Variants in PTPRK observed in about 807,000 individuals in gnomAD.
The protein encoded by PTPRK is receptor-type tyrosine-protein phosphatase kappa.
Under a neutral mutation model 178.0 loss-of-function variants are expected in PTPRK, and 75 were observed. That is an observed-to-expected ratio of 0.42 (90% CI 0.35 to 0.51). PTPRK has a LOEUF of 0.51. PTPRK is among the 20% of genes least tolerant of loss of function. The pLI is 0.02. For synonymous variants in PTPRK, 637 were observed against 620.6 expected (o/e 1.03, Z -0.39); for missense variants, 1,441 against 1,797.8 (o/e 0.80, Z 3.59).
intron 5 of PTPRK, among the ~76,000 whole-genome samples, chr6:128,221,392 C>G (rs926583203): frequency 6.6e-6 from 1 of 151,784 alleles, no homozygotes. Flanking sequence ...GGCGCGGTGG[C>G]GGGTGCCTAT....
intron 7 of PTPRK, among the ~76,000 whole-genome samples, chr6:128,114,377 A>G (rs531788235): frequency 6.6e-6 from 1 of 151,830 alleles, no homozygotes; most frequent in Admixed American, 6.6e-5. Context: ...CAGCACTTTC[A>G]GAGGCGGAGG....
chr6:128,347,661 A>G (rs911554890), intron 2 of PTPRK, among the ~76,000 whole-genome samples: 2 of 152,104 alleles, frequency 1.3e-5, no homozygotes, highest in Non-Finnish European at 2.9e-5. Flanking sequence ...CTCATCTGTC[A>G]GATCTTTTTT....
At chr6:128,151,557 T>C (rs1797246619) in intron 7 of PTPRK, among the ~76,000 whole-genome samples, 2 of 151,770 alleles carry the variant, frequency 1.3e-5, no homozygotes, top group Non-Finnish European at 2.9e-5. Context: ...CAGATAGTTA[T>C]TTAAAAAAAA....
intron 7 of PTPRK, among the ~76,000 whole-genome samples, chr6:128,166,475 T>C (rs1340119045): frequency 2.6e-5 from 4 of 151,682 alleles, no homozygotes; most frequent in Admixed American, 1.3e-4. Flanking sequence ...CTCAGGGTCA[T>C]TGCAATAATT....
intron 2 of PTPRK, among the ~76,000 whole-genome samples, chr6:128,365,778 T>C (rs1424985425): frequency 6.6e-6 from 1 of 152,098 alleles, no homozygotes; most frequent in Non-Finnish European, 1.5e-5. Context: ...TTATGCAATG[T>C]TTAAGTTAAA....
intron 1 of PTPRK, among the ~76,000 whole-genome samples, chr6:128,493,479 G>T (rs962947305): frequency 6.6e-6 from 1 of 151,368 alleles, no homozygotes; most frequent in African/African-American, 2.4e-5. Context: ...GGAGAATGGC[G>T]TGAACCCGGG....
intron 3 of PTPRK, among the ~76,000 whole-genome samples, chr6:128,250,454 C>T (rs934541957): frequency 6.6e-6 from 1 of 152,180 alleles, no homozygotes; most frequent in African/African-American, 2.4e-5. Flanking sequence ...ATCCTGTTGA[C>T]AGTCAGGGCT....
intron 1 of PTPRK, among the ~76,000 whole-genome samples, chr6:128,507,381 G>A (rs1054030850): frequency 6.6e-6 from 1 of 152,086 alleles, no homozygotes; most frequent in African/African-American, 2.4e-5. Flanking sequence ...CCACTCTAGA[G>A]GCCATGTGGG....
At chr6:128,235,469 G>T in intron 5 of PTPRK, 1 of 344,952 alleles carries the variant, frequency 2.9e-6, no homozygotes, top group Non-Finnish European at 6.2e-6. Context: ...CATAAGTAGA[G>T]CTTTATCATA....
intron 3 of PTPRK, among the ~76,000 whole-genome samples, chr6:128,313,364 A>G (rs191651921): frequency 6.6e-6 from 1 of 152,296 alleles, no homozygotes; most frequent in East Asian, 1.9e-4. Flanking sequence ...AAGAGGGCCT[A>G]TAATACTATT....
chr6:128,089,663 C>G lies in PTPRK; in HGVS notation c.1465+27G>C, dbSNP rs774078547. The G allele has an allele frequency of 7.0e-6, 11 of 1,568,606 alleles. No homozygotes were observed. The South Asian group carries it at 1.2e-4, about 17-fold the overall frequency. ...ATTTTTCTTGTTAGAGAATTCCCCC[C>G]TTTTAAACAGCAAAGTATGAGCATA... is the stretch of plus-strand genomic sequence containing the variant. On this transcript the variant is annotated intron_variant, in intron 8 of 29. Coordinates refer to ENST00000368226, the MANE Select transcript of PTPRK (RefSeq NM_002844.4).
intron 13 of PTPRK, among the ~76,000 whole-genome samples, chr6:128,026,786 A>G (rs367901156): frequency 4.6e-5 from 7 of 152,192 alleles, no homozygotes; most frequent in African/African-American, 1.4e-4. Flanking sequence ...TGTAGAATAT[A>G]TCACACCAAA....
chr6:128,384,849 T>C (rs1421345331), intron 2 of PTPRK, among the ~76,000 whole-genome samples: 6 of 151,798 alleles, frequency 4.0e-5, no homozygotes, highest in Admixed American at 2.6e-4. Flanking sequence ...AAATTGATCT[T>C]AGTATTTTCA....
At chr6:128,222,236 A>C (rs910353696) in intron 5 of PTPRK, among the ~76,000 whole-genome samples, 1 of 152,176 alleles carries the variant, frequency 6.6e-6, no homozygotes, top group South Asian at 2.1e-4. Context: ...CTCAATAATC[A>C]TTATTCCATC....
chr6:128,200,920 G>T (rs1378515773), intron 6 of PTPRK, among the ~76,000 whole-genome samples: 5 of 112,102 alleles, frequency 4.5e-5, no homozygotes, highest in Non-Finnish European at 9.3e-5. Context: ...AGGGAGGGAG[G>T]GAGGGAGGGG....
chr6:128,055,103 T>C (rs915829495), intron 13 of PTPRK, among the ~76,000 whole-genome samples: 2 of 152,222 alleles, frequency 1.3e-5, no homozygotes, highest in Non-Finnish European at 2.9e-5. Context: ...TTTGAAAGTT[T>C]TTTGGCACTT....
intron 3 of PTPRK, among the ~76,000 whole-genome samples, chr6:128,263,235 C>T (rs1306831331): frequency 1.3e-5 from 2 of 152,068 alleles, no homozygotes; most frequent in Non-Finnish European, 2.9e-5. Flanking sequence ...GGTAAAAAGT[C>T]CTAAGAAGGA....
At chr6:128,352,110 C>A (rs963795323) in intron 2 of PTPRK, among the ~76,000 whole-genome samples, 3 of 151,440 alleles carry the variant, frequency 2.0e-5, no homozygotes, top group Non-Finnish European at 2.9e-5. Context: ...AAAAATTAGC[C>A]GGGCATGGTG....
intron 11 of PTPRK, among the ~76,000 whole-genome samples, chr6:128,072,547 A>G (rs1180624214): frequency 2.6e-5 from 4 of 152,052 alleles, no homozygotes; most frequent in Admixed American, 1.3e-4. Flanking sequence ...AATTTGAAGT[A>G]CAGTCAAATT....
Sources: gnomAD v4.1 joint callset for allele counts (sites outside exome capture counted in the v4.1 genomes callset) on GRCh38, gnomAD v4.1.1 for gene constraint, MANE v1.5 for transcripts, NCBI Gene and HGNC (gene_info 2026-07-23, HGNC 2026-07-21) for gene names.